Variants in ADGRL4 observed in about 807,000 individuals in gnomAD.
ADGRL4 encodes the protein EGF, latrophilin and seven transmembrane domain containing 1.
Under a neutral mutation model 74.8 loss-of-function variants are expected in ADGRL4, and 90 were observed. The observed-to-expected ratio is 1.20, with a 90% confidence interval of 1.02 to 1.43. The LOEUF is 1.43. Among genes scored for constraint, ADGRL4 ranks in the 40% most tolerant of loss-of-function variants. The pLI is 0.00. For missense variants in ADGRL4, 881 were observed against 814.3 expected, an observed-to-expected ratio of 1.08 and a Z score of -1.00; for synonymous variants, 311 against 279.2, an observed-to-expected ratio of 1.11 and a Z score of -1.14.
intron 3 of ADGRL4, among the ~76,000 whole-genome samples, chr1:78,943,172 C>A (rs2100693031): frequency 6.6e-6 from 1 of 151,856 alleles, no homozygotes. Context: ...TTATTCAAAG[C>A]TAGAAAAAAA....
At chr1:78,897,751 A>C (rs1412422609) in intron 12 of ADGRL4, among the ~76,000 whole-genome samples, 1 of 152,178 alleles carries the variant, frequency 6.6e-6, no homozygotes, top group Non-Finnish European at 1.5e-5. Flanking sequence ...ATCCAAAGTC[A>C]TATTACAATA....
intron 2 of ADGRL4, among the ~76,000 whole-genome samples, chr1:78,999,809 T>TATCTATC (rs1030641326): frequency 2.0e-5 from 3 of 146,908 alleles, no homozygotes; most frequent in African/African-American, 7.7e-5. Flanking sequence ...TCTATCTATC[T>TATCTATC]ATCTATCTAT....
rs751641867 is a variant in ADGRL4, at chr1:78,893,165, TG to T, written c.1773del (p.Ile592SerfsTer12). On this transcript the variant is annotated frameshift_variant, in exon 13 of 15. Coordinates refer to ENST00000370742, the MANE Select transcript of ADGRL4 (RefSeq NM_022159.4). LOFTEE classifies it high-confidence loss of function. ...IILVNLLAFG[V>X]IIYKVFRHTA... ...GTGTGACGAAAAACTTTGTATATGA[TG>T]ACTCCAAAAGCCAAGAGATTAACCT... 26 of 1,604,276 alleles carry T rather than the reference TG, an allele frequency of 1.6e-5. No individual in the cohort carries two copies. Among genetic ancestry groups the T allele is most frequent in the Non-Finnish European group, 2.0e-5 (24 of 1,175,948 alleles).
intron 4 of ADGRL4, among the ~76,000 whole-genome samples, chr1:78,938,571 T>C (rs1438620703): frequency 6.6e-6 from 1 of 152,094 alleles, no homozygotes; most frequent in Non-Finnish European, 1.5e-5. Context: ...TTCTTCAGTA[T>C]AGAATTATAT....
At chr1:79,000,069 G>T (rs1269902502) in intron 2 of ADGRL4, among the ~76,000 whole-genome samples, 1 of 151,998 alleles carries the variant, frequency 6.6e-6, no homozygotes, top group Admixed American at 6.6e-5. Flanking sequence ...CCCAGAAGCT[G>T]TGTGTTCATT....
chr1:78,995,526 G>A (rs1185177973), intron 2 of ADGRL4, among the ~76,000 whole-genome samples: 1 of 152,228 alleles, frequency 6.6e-6, no homozygotes, highest in Non-Finnish European at 1.5e-5. Flanking sequence ...GGTCATGCCA[G>A]CTCCAGAGAT....
chr1:78,893,101 A>G lies in ADGRL4; in HGVS notation c.1838T>C (p.Ile613Thr). Residue 613 changes from isoleucine to threonine, a missense_variant, in exon 13 of 15, where the codon ATA (isoleucine) becomes ACA (threonine). Coordinates refer to ENST00000370742, the MANE Select transcript of ADGRL4 (RefSeq NM_022159.4). ...LKPEVSCFEN[I>T]RSCARGALAL... is the part of the protein sequence containing the mutation. ...GTGAACTTAAAGACGCATTTACCTT[A>G]TGTTCTCAAAGCAACTAACTTCTGG... 1 of 1,553,386 alleles carries G rather than the reference A, an allele frequency of 6.4e-7. No homozygotes were observed. The highest frequency in any genetic ancestry group is 8.7e-7 in the Non-Finnish European group (1 of 1,146,636).
intron 2 of ADGRL4, among the ~76,000 whole-genome samples, chr1:78,998,462 T>C (rs1650767785): frequency 1.4e-5 from 2 of 145,476 alleles, no homozygotes; most frequent in African/African-American, 5.1e-5. Flanking sequence ...CTCTGCCTCC[T>C]GGGCTCAAGC....
At position 78,891,095 on chromosome 1, in the gene ADGRL4, C is replaced by A; in HGVS notation, c.*59G>T. 1.3e-6 allele frequency: 2 copies of A among 1,508,460 alleles called. No individual in the cohort carries two copies. The highest frequency in any genetic ancestry group is 2.3e-5 in the South Asian group (2 of 88,250). The allele number at this position is 1,508,460 out of a possible 1,614,324, so 93.4% of individuals were successfully genotyped here. A position where few individuals can be genotyped will look rare whatever the true frequency, so the allele number is the denominator to read the frequency against. ...TGATGAGTCATTTTTATACATTGGT[C>A]ATCCACAGCTTGGAATTTTTATTTT... On this transcript the variant is annotated 3_prime_UTR_variant, in exon 15 of 15. Coordinates refer to ENST00000370742, the MANE Select transcript of ADGRL4 (RefSeq NM_022159.4).
chr1:78,890,952 A>G lies in ADGRL4; in HGVS notation c.*202T>C. On this transcript the variant is annotated 3_prime_UTR_variant, in exon 15 of 15. Transcript: ENST00000370742. The stretch of plus-strand genomic sequence containing the variant: ...TTTTTGACAGAACTATTTCACATAG[A>G]AAAACATAGTATATCTATATGATAC... 1.7e-6 allele frequency: 1 copy of G among 575,526 alleles called. No homozygotes were observed. The highest frequency in any genetic ancestry group is 3.1e-6 in the Non-Finnish European group (1 of 320,142). 35.7% of individuals were successfully genotyped at this position (575,526 alleles called of 1,614,324 possible).
At chr1:78,991,386 A>G (rs751262019) in intron 2 of ADGRL4, among the ~76,000 whole-genome samples, 3 of 151,996 alleles carry the variant, frequency 2.0e-5, no homozygotes, top group Non-Finnish European at 4.4e-5. Flanking sequence ...AAATTTCACA[A>G]TTTGCTTTAA....
chr1:78,971,693 C>T (rs1334786451), intron 2 of ADGRL4, among the ~76,000 whole-genome samples: 1 of 152,170 alleles, frequency 6.6e-6, no homozygotes, highest in African/African-American at 2.4e-5. Flanking sequence ...CACTATGTGA[C>T]TTGTTCAGAT....
intron 8 of ADGRL4, among the ~76,000 whole-genome samples, chr1:78,926,336 T>G (rs978367324): frequency 6.6e-6 from 1 of 152,052 alleles, no homozygotes; most frequent in African/African-American, 2.4e-5. Flanking sequence ...AGTTGGTTAG[T>G]TCTAATCATG....
intron 2 of ADGRL4, among the ~76,000 whole-genome samples, chr1:78,984,163 T>A (rs1186010578): frequency 6.6e-6 from 1 of 151,744 alleles, no homozygotes; most frequent in Non-Finnish European, 1.5e-5. Flanking sequence ...TGGTACAAAG[T>A]AAGATGGTTC....
intron 2 of ADGRL4, among the ~76,000 whole-genome samples, chr1:78,977,466 T>A (rs954668979): frequency 1.3e-5 from 2 of 151,862 alleles, no homozygotes; most frequent in Non-Finnish European, 2.9e-5. Context: ...TGCAAATTTG[T>A]CCACAATGAA....
chr1:78,956,134 G>C (rs1336633476), intron 2 of ADGRL4, among the ~76,000 whole-genome samples: 1 of 152,100 alleles, frequency 6.6e-6, no homozygotes, highest in Non-Finnish European at 1.5e-5. Context: ...TTAGTTATTA[G>C]TTATTGCATT....
In ADGRL4 at chr1:78,938,164, G is replaced by T; in HGVS notation, c.512C>A (p.Ser171Ter). ...TYIEILAESS[S>*]LLGYKNNTIS... ...AGTGTTGTTCTTGTAACCTAGTAAT[G>T]AAGATGATTCAGCTAATATTTCTAT... Residue 171 changes from serine to a stop codon, truncating the protein, a stop_gained, in exon 5 of 15, where the codon TCA becomes TAA. Coordinates refer to ENST00000370742, the MANE Select transcript of ADGRL4 (RefSeq NM_022159.4). LOFTEE classifies it high-confidence loss of function. The T allele has an allele frequency of 1.9e-6, 3 of 1,612,762 alleles. No homozygotes were observed. Among genetic ancestry groups the T allele is most frequent in the Non-Finnish European group, 1.7e-6 (2 of 1,179,506 alleles).
chr1:78,989,664 G>A (rs1256595353), intron 2 of ADGRL4, among the ~76,000 whole-genome samples: 1 of 151,752 alleles, frequency 6.6e-6, no homozygotes, highest in Non-Finnish European at 1.5e-5. Context: ...TCAGAATCTT[G>A]CAGCCTAGAT....
chr1:78,914,597 T>C (rs1411414033), intron 12 of ADGRL4, among the ~76,000 whole-genome samples: 1 of 151,704 alleles, frequency 6.6e-6, no homozygotes, highest in Non-Finnish European at 1.5e-5. Context: ...CCAAGGAATC[T>C]CTAGTTGGTG....
Sources: gnomAD v4.1 joint callset for allele counts (sites outside exome capture counted in the v4.1 genomes callset) on GRCh38, gnomAD v4.1.1 for gene constraint, MANE v1.5 for transcripts, NCBI Gene and HGNC (gene_info 2026-07-23, HGNC 2026-07-21) for gene names.